Variants in TSLP observed in about 807,000 individuals in gnomAD.
The protein encoded by TSLP is thymic stromal lymphopoietin, also known as thymic stroma-derived lymphopoietin.
TSLP carries 12 observed loss-of-function variants against 12.4 expected under a neutral mutation model. The observed-to-expected ratio is 0.97, with a 90% CI of 0.62 to 1.57. TSLP has a LOEUF of 1.57. TSLP is among the 40% of genes most tolerant of loss of function. The pLI is 0.00. For missense variants in TSLP, 222 were observed against 189.6 expected (o/e 1.17, Z -1.00); for synonymous variants, 97 against 69.5 (o/e 1.40, Z -1.97).
intron 2 of TSLP, 69 bp from the exon 3 acceptor site, chr5:111,073,442 A>T: frequency 1.9e-6 from 3 of 1,602,060 alleles, no homozygotes; most frequent in Non-Finnish European, 1.7e-6. Flanking sequence ...CCTTTCACTC[A>T]ATTCTCACCA....
chr5:111,070,751 C>T (rs958355440), upstream of TSLP: 2 of 152,312 alleles, frequency 1.3e-5, no homozygotes, highest in African/African-American at 4.8e-5. Flanking sequence ...GGTGCCCGGG[C>T]TGAGGCCCCA....
At chr5:111,074,662 G>A (rs575658373) in intron 3 of TSLP, among the ~76,000 whole-genome samples, 8 of 126,732 alleles carry the variant, frequency 6.3e-5, no homozygotes, top group Non-Finnish European at 1.1e-4. Context: ...ACAGAATCTC[G>A]CTCTGTTACC....
In TSLP at chr5:111,073,624, C is replaced by T. The variant is rs562538175; in HGVS notation, c.330C>T (p.Cys110=). The T allele has an allele frequency of 5.6e-6, 9 of 1,614,204 alleles. No individual in the cohort carries two copies. The African/African-American group carries it at 1.2e-4, about 22-fold the overall frequency. ...MKTKAALAIW[C]PGYSETQINA... The stretch of plus-strand genomic sequence containing the variant: ...CTAAGGCTGCCTTAGCTATCTGGTG[C>T]CCAGGCTATTCGGAAACTCAGGTAA... The change falls in exon 3 of 4, where the codon TGC becomes TGT. Residue 110 remains cysteine (C), a synonymous_variant. Transcript: ENST00000344895.
chr5:111,076,714 T>C lies in TSLP; in HGVS notation c.*640T>C, dbSNP rs1168318217. On this transcript the variant is annotated 3_prime_UTR_variant, in exon 4 of 4. Transcript: ENST00000344895. The stretch of plus-strand genomic sequence containing the variant: ...AATTATAGAATCTACTTTAATTTAT[T>C]TTGTGAACACTTTTGAAAATGTACA... The C allele has an allele frequency of 6.6e-6, 1 of 152,234 alleles. No homozygotes were observed. The highest frequency in any genetic ancestry group is 1.5e-5 in the Non-Finnish European group (1 of 68,034). 9.4% of individuals were successfully genotyped at this position (152,234 alleles called of 1,614,324 possible). A position where few individuals can be genotyped will look rare whatever the true frequency, so the allele number is the denominator to read the frequency against.
intron 3 of TSLP, among the ~76,000 whole-genome samples, chr5:111,075,211 A>G (rs1752465407): frequency 6.6e-6 from 1 of 152,148 alleles, no homozygotes; most frequent in Admixed American, 6.5e-5. Flanking sequence ...AATAATAATG[A>G]TTTTGCAGGT....
chr5:111,073,531 C>T lies in TSLP; in HGVS notation c.237C>T (p.Ile79=). ...CSNRPHCLTE[I]QSLTFNPTAG... ...AGCAGCCACATTGCCTTACTGAAAT[C>T]CAGAGCCTAACCTTCAATCCCACCG... Residue 79 remains isoleucine, a synonymous_variant, in exon 3 of 4, where the codon ATC becomes ATT. Transcript: ENST00000344895. The T allele has an allele frequency of 1.2e-6, 2 of 1,614,176 alleles. No homozygotes were observed. Among genetic ancestry groups the T allele is most frequent in the Non-Finnish European group, 1.7e-6 (2 of 1,180,038 alleles).
chr5:111,073,963 T>C (rs1223530036), intron 3 of TSLP, among the ~76,000 whole-genome samples: 1 of 152,178 alleles, frequency 6.6e-6, no homozygotes, highest in East Asian at 1.9e-4. Flanking sequence ...CTGCTAAAAA[T>C]GCCAATTCCC....
chr5:111,071,577 T>G (rs1683645893), upstream of TSLP: 17 of 1,432,754 alleles, frequency 1.2e-5, no homozygotes, highest in Non-Finnish European at 1.5e-5. Flanking sequence ...AGCTACTCCT[T>G]TTTTTTTTTC....
chr5:111,071,647 T>C (rs1752340382), upstream of TSLP: 1 of 1,434,786 alleles, frequency 7.0e-7, no homozygotes. Flanking sequence ...AGAAAATCAT[T>C]GGCCTAGGAG....
intron 3 of TSLP, 96 bp downstream of exon 3, chr5:111,073,741 G>T: frequency 7.1e-7 from 1 of 1,405,054 alleles, no homozygotes; most frequent in Non-Finnish European, 9.7e-7. Context: ...TTTTTATTTA[G>T]GTTTTATCTT....
rs1752500493 is a variant in TSLP at position 111,076,132 on chromosome 5, GATGAAAC to G, written c.*61_*67del. ...CAAAATAAATCATCTTTATTAAGTA[GATGAAAC>G]ATTAACTCTAACTGTGACAAAGAAG... On this transcript the variant is annotated 3_prime_UTR_variant, in exon 4 of 4. Coordinates refer to ENST00000344895, the MANE Select transcript of TSLP (RefSeq NM_033035.5). 1 of 1,574,774 alleles carries G rather than the reference GATGAAAC, an allele frequency of 6.4e-7. No individual in the cohort carries two copies. The highest frequency in any genetic ancestry group is 8.7e-7 in the Non-Finnish European group (1 of 1,150,530).
upstream of TSLP, chr5:111,071,673 C>A (rs1463412034): frequency 7.5e-7 from 1 of 1,330,372 alleles, no homozygotes; most frequent in African/African-American, 1.5e-5. Flanking sequence ...AGCCCGTAGG[C>A]GTTTAGGTGT....
In TSLP at chr5:111,077,264, A is replaced by C. The variant is rs1237489463; in HGVS notation, c.*1190A>C. The C allele has an allele frequency of 6.6e-6, 1 of 152,284 alleles. No homozygotes were observed. The highest frequency in any genetic ancestry group is 1.5e-5 in the Non-Finnish European group (1 of 68,072). 9.4% of individuals were successfully genotyped at this position (152,284 alleles called of 1,614,324 possible). A position where few individuals can be genotyped will look rare whatever the true frequency, so the allele number is the denominator to read the frequency against. On this transcript the variant is annotated 3_prime_UTR_variant, in exon 4 of 4. Coordinates refer to ENST00000344895, the MANE Select transcript of TSLP (RefSeq NM_033035.5). ...ACTCCCTGAGGGTTAGTTGGGGCTA[A>C]ACCATGACAGAAGTGGGGAAGTTCA... is the stretch of plus-strand genomic sequence containing the variant.
In TSLP at chr5:111,071,854, T is replaced by A; in HGVS notation, c.-37T>A. 1 of 1,603,162 alleles carries A rather than the reference T, an allele frequency of 6.2e-7. No homozygotes were observed. Among genetic ancestry groups the A allele is most frequent in the Non-Finnish European group, 8.5e-7 (1 of 1,172,614 alleles). Reference sequence around the variant, plus strand: ...TCTCTTACACTCGTGGTGGGAAGAGTTTAGTGTGAAACTGGGGTGGAATTG... The same window carrying A: ...TCTCTTACACTCGTGGTGGGAAGAGATTAGTGTGAAACTGGGGTGGAATTG... On this transcript the variant is annotated 5_prime_UTR_variant, in exon 1 of 4. Transcript: ENST00000344895.
At position 111,076,822 on chromosome 5, in the gene TSLP, T is replaced by A. The variant is rs530892032; in HGVS notation, c.*748T>A. 280 of 152,320 alleles carry A rather than the reference T, an allele frequency of 1.8e-3. 1 individual carries two copies. Among genetic ancestry groups the A allele is most frequent in the African/African-American group, 6.0e-3 (251 of 41,566 alleles). The allele number at this position is 152,320 out of a possible 1,614,324, so 9.4% of individuals were successfully genotyped here. A position where few individuals can be genotyped will look rare whatever the true frequency, so the allele number is the denominator to read the frequency against. On this transcript the variant is annotated 3_prime_UTR_variant, in exon 4 of 4. Coordinates refer to ENST00000344895, the MANE Select transcript of TSLP (RefSeq NM_033035.5). ...CTTATGAATCATCTCTCAAATCTAG[T>A]TAGACAATTTGCACACATACTTTTC... is the stretch of plus-strand genomic sequence containing the variant.
intron 3 of TSLP, among the ~76,000 whole-genome samples, chr5:111,074,810 G>T (rs1032620450): frequency 6.6e-6 from 1 of 151,894 alleles, no homozygotes; most frequent in African/African-American, 2.4e-5. Flanking sequence ...AGTAGAGACG[G>T]GGTTTCACCA....
At chr5:111,071,406 A>C, upstream of TSLP, 1 of 1,493,862 alleles carries the variant, frequency 6.7e-7, no homozygotes, top group Non-Finnish European at 8.9e-7. Flanking sequence ...TGTTTCTCCC[A>C]AATAGAAAGG....
chr5:111,072,862 C>A, intron 1 of TSLP, 26 bp from the exon 2 acceptor site: 1 of 1,613,660 alleles, frequency 6.2e-7, no homozygotes, highest in Non-Finnish European at 8.5e-7. Flanking sequence ...TCTTTACCCT[C>A]TTTGTCCTAT....
chr5:111,073,603 G>C lies in TSLP; in HGVS notation c.309G>C (p.Lys103Asn), dbSNP rs1343442181. 6.2e-7 allele frequency: 1 copy of C among 1,614,106 alleles called. No individual in the cohort carries two copies. Among genetic ancestry groups the C allele is most frequent in the Non-Finnish European group, 8.5e-7 (1 of 1,180,056 alleles). ...AAGAAATGTTCGCCATGAAAACTAA[G>C]GCTGCCTTAGCTATCTGGTGCCCAG... ...LAKEMFAMKT[K>N]AALAIWCPGY... The change falls in exon 3 of 4, where the codon AAG (lysine) becomes AAC (asparagine). Residue 103 changes from lysine to asparagine, a missense_variant. Coordinates refer to ENST00000344895, the MANE Select transcript of TSLP (RefSeq NM_033035.5).
Sources: gnomAD v4.1 joint callset for allele counts (sites outside exome capture counted in the v4.1 genomes callset) on GRCh38, gnomAD v4.1.1 for gene constraint, MANE v1.5 for transcripts, NCBI Gene and HGNC (gene_info 2026-07-23, HGNC 2026-07-21) for gene names.